Variants in TRMT44 observed in about 807,000 individuals in gnomAD.
TRMT44 encodes probable tRNA (uracil-O(2)-)-methyltransferase.
In TRMT44, 78 loss-of-function variants were observed where a neutral mutation model predicts 77.3. The ratio of observed to expected loss-of-function variants is 1.01; its 90% CI spans 0.84 to 1.22. The LOEUF (loss-of-function observed/expected upper bound fraction) is 1.22, where lower values mean the gene tolerates loss of function less well. Ranked by LOEUF, TRMT44 falls within the 50% of genes most tolerant of loss-of-function variation. The pLI is 0.00. For missense variants in TRMT44, 1,090 were observed against 964.4 expected (o/e 1.13, Z -1.73); for synonymous variants, 391 against 383.3 (o/e 1.02, Z -0.23).
the TRMT44 span, among the ~76,000 whole-genome samples, chr4:8,515,149 TAG>T: frequency 6.6e-6 from 1 of 152,162 alleles, no homozygotes; most frequent in Non-Finnish European, 1.5e-5. Context: ...TATTTTTTTG[TAG>T]AGACAGGATT....
rs780336127 is a variant in TRMT44 at position 8,468,141 on chromosome 4, G to A, written c.1722G>A (p.Glu574=). ...GTGTAACCAGGGCCTGGGCCGCTGA[G>A]CATGGAGCAGGGCCCCAGGCTGAAG... ...VGCVTRAWAA[E]HGAGPQAEGP... Residue 574 remains glutamate (E), a synonymous_variant, in exon 9 of 11, where the codon GAG becomes GAA. Transcript: ENST00000389737. The A allele has an allele frequency of 1.9e-6, 3 of 1,614,006 alleles. No individual in the cohort carries two copies. Among genetic ancestry groups the A allele is most frequent in the African/African-American group, 2.7e-5 (2 of 75,074 alleles).
At chr4:8,447,891 T>C (rs1477099903) in intron 2 of TRMT44, among the ~76,000 whole-genome samples, 1 of 152,182 alleles carries the variant, frequency 6.6e-6, no homozygotes, top group Non-Finnish European at 1.5e-5. Flanking sequence ...CAGAAAGTGG[T>C]GCCTGTCTTG....
chr4:8,511,792 T>C, the TRMT44 span: 1 of 152,146 alleles, frequency 6.6e-6, no homozygotes. Flanking sequence ...AACTTCGATT[T>C]AAAACTGCAT....
At chr4:8,498,206 AGAT>A (rs1301274022), downstream of TRMT44, among the ~76,000 whole-genome samples, 2 of 152,172 alleles carry the variant, frequency 1.3e-5, no homozygotes, top group Non-Finnish European at 2.9e-5. This position sits in a 1 kb window ranked among gnomAD's most constrained non-coding sequence, Gnocchi z 4.3. Flanking sequence ...CAGGGTATGA[AGAT>A]GATGACATTT....
intron 10 of TRMT44, among the ~76,000 whole-genome samples, chr4:8,472,154 C>T (rs1727048937): frequency 6.6e-6 from 1 of 152,158 alleles, no homozygotes; most frequent in African/African-American, 2.4e-5. Context: ...GCACACATTT[C>T]TGTGAGTTGT....
intron 6 of TRMT44, among the ~76,000 whole-genome samples, chr4:8,462,301 C>T (rs1467249590): frequency 6.6e-6 from 1 of 152,180 alleles, no homozygotes; most frequent in Non-Finnish European, 1.5e-5. Flanking sequence ...ATCCTAGCTA[C>T]TCGGGAGGCT....
intron 10 of TRMT44, among the ~76,000 whole-genome samples, chr4:8,473,846 G>T (rs1403945193): frequency 6.6e-6 from 1 of 152,168 alleles, no homozygotes; most frequent in Non-Finnish European, 1.5e-5. Flanking sequence ...AAGAGGGGCG[G>T]CCGGGAGCTA....
intron 8 of TRMT44, among the ~76,000 whole-genome samples, chr4:8,466,008 T>C (rs1487644832): frequency 1.3e-5 from 2 of 152,214 alleles, no homozygotes; most frequent in Non-Finnish European, 2.9e-5. Flanking sequence ...TGAAATGTCA[T>C]TTGGGCAGAA....
intron 10 of TRMT44, among the ~76,000 whole-genome samples, chr4:8,475,201 C>T (rs1394666121): frequency 1.3e-5 from 2 of 152,214 alleles, no homozygotes; most frequent in Admixed American, 6.5e-5. Flanking sequence ...GAGGGACCTG[C>T]GCCTTGCCCC....
rs768584086 is a variant in TRMT44 at position 8,465,591 on chromosome 4, G to A, written c.1494+30G>A. On this transcript the variant is annotated intron_variant, in intron 8 of 10. Coordinates refer to ENST00000389737, the MANE Select transcript of TRMT44 (RefSeq NM_152544.3). ...GTCTGATTCTCATGTTGTTCTAGGCGGTGTGTCGGTGTTCAGATGGAGAGC... is the reference window on the plus strand; with the variant it reads ...GTCTGATTCTCATGTTGTTCTAGGCAGTGTGTCGGTGTTCAGATGGAGAGC... 3.8e-6 allele frequency: 6 copies of A among 1,578,224 alleles called. No homozygotes were observed. In the Admixed American group the frequency reaches 5.2e-5, roughly 14 times the overall value.
At position 8,465,577 on chromosome 4, in the gene TRMT44, ATGT is replaced by A. The variant is rs1560234600; in HGVS notation, c.1494+21_1494+23del. On this transcript the variant is annotated intron_variant, in intron 8 of 10. Transcript: ENST00000389737. Reference sequence around the variant, plus strand: ...AACCAAAAGAGTATGTCTGATTCTCATGTTGTTCTAGGCGGTGTGTCGGTGTTC... The same window carrying A: ...AACCAAAAGAGTATGTCTGATTCTCATGTTCTAGGCGGTGTGTCGGTGTTC... 3 of 1,605,152 alleles carry A rather than the reference ATGT, an allele frequency of 1.9e-6. No individual in the cohort carries two copies. The highest frequency in any genetic ancestry group is 1.3e-5 in the African/African-American group (1 of 74,816).
chr4:8,466,909 C>T (rs201415281), intron 8 of TRMT44, among the ~76,000 whole-genome samples: 286 of 152,290 alleles, frequency 1.9e-3, no homozygotes, highest in Non-Finnish European at 3.6e-3. Context: ...TTTAAAATCC[C>T]GCTGGAAGAG....
Position 8,454,785 on chromosome 4 carries a change from A to G in TRMT44, c.1175A>G (p.Asp392Gly). 5 of 1,614,212 alleles carry G rather than the reference A, an allele frequency of 3.1e-6. No homozygotes were observed. The highest frequency in any genetic ancestry group is 3.4e-6 in the Non-Finnish European group (4 of 1,180,046). The part of the protein sequence containing the change: ...GIDVRRRKIW[D>G]MYGPQTQLEE... The stretch of plus-strand genomic sequence containing the variant: ...GATGTCCGAAGAAGAAAAATCTGGG[A>G]CATGTATGGACCACAAACTCAGTTA... Residue 392 changes from aspartate (D) to glycine (G), a missense_variant, in exon 6 of 11, where the codon GAC becomes GGC. Transcript: ENST00000389737.
rs1238746193 is a variant in TRMT44 at position 8,468,627 on chromosome 4, T to A, written c.1927+281T>A. 5 of 563,862 alleles carry A rather than the reference T, an allele frequency of 8.9e-6. No homozygotes were observed. The Admixed American group carries it at 1.6e-4, about 18-fold the overall frequency. 34.9% of individuals were successfully genotyped at this position (563,862 alleles called of 1,614,324 possible). ...CAGGTTTAGGGGCTAGAACTACTCA[T>A]TTTCAATCTAGAAATTATCCAAAGA... is the stretch of plus-strand genomic sequence containing the variant. On this transcript the variant is annotated intron_variant, in intron 9 of 10. Coordinates refer to ENST00000389737, the MANE Select transcript of TRMT44 (RefSeq NM_152544.3).
chr4:8,507,947 C>A, the TRMT44 span, among the ~76,000 whole-genome samples: 1 of 152,054 alleles, frequency 6.6e-6, no homozygotes, highest in Admixed American at 6.6e-5. Context: ...GCTTTTGTTG[C>A]CCAGGCTGGA....
At chr4:8,505,495 C>T in the TRMT44 span, among the ~76,000 whole-genome samples, 3 of 152,218 alleles carry the variant, frequency 2.0e-5, no homozygotes, top group Non-Finnish European at 4.4e-5. Flanking sequence ...CAGGGTTCCT[C>T]CGTGGCCCTG....
chr4:8,453,188 A>T lies in TRMT44; in HGVS notation c.1131+199A>T, dbSNP rs1168624619. On this transcript the variant is annotated intron_variant, in intron 5 of 10. Transcript: ENST00000389737. Reference sequence around the variant, plus strand: ...AAAACAAGGGAAACGTGGTGATCTCATTGGACCTAAGAGGAAGTCCCCGGG... The same window carrying T: ...AAAACAAGGGAAACGTGGTGATCTCTTTGGACCTAAGAGGAAGTCCCCGGG... Among the ~76,000 whole-genome samples, 3 of 152,198 alleles carry T rather than the reference A, an allele frequency of 2.0e-5. No individual in the cohort carries two copies. The South Asian group carries it at 6.2e-4, about 31-fold the overall frequency.
rs547989297 is a variant in TRMT44, at chr4:8,454,058, C to T, written c.1132-684C>T. Reference sequence around the variant, plus strand: ...CAGCTGGGAGGTGTCTCGTGCACCCCTCCTCTTCTGCAGGCTTGGCAGAAA... The same window carrying T: ...CAGCTGGGAGGTGTCTCGTGCACCCTTCCTCTTCTGCAGGCTTGGCAGAAA... On this transcript the variant is annotated intron_variant, in intron 5 of 10. Transcript: ENST00000389737. Among the ~76,000 whole-genome samples the T allele has an allele frequency of 1.6e-3, 249 of 152,256 alleles. 1 individual carries two copies. The highest frequency in any genetic ancestry group is 5.5e-3 in the African/African-American group (230 of 41,558).
At position 8,467,967 on chromosome 4, in the gene TRMT44, G is replaced by A. The variant is rs932522009; in HGVS notation, c.1548G>A (p.Val516=). The A allele has an allele frequency of 6.2e-7, 1 of 1,613,946 alleles. No individual in the cohort carries two copies. The highest frequency in any genetic ancestry group is 1.1e-5 in the South Asian group (1 of 91,070). The part of the protein sequence containing the change: ...RTYPSSREAS[V]DEKRTQYIKS... Reference sequence around the variant, plus strand: ...ACCCTTCCTCCAGAGAAGCTTCCGTGGATGAAAAGAGGACTCAGTACATTA... The same window carrying A: ...ACCCTTCCTCCAGAGAAGCTTCCGTAGATGAAAAGAGGACTCAGTACATTA... Residue 516 remains valine, a synonymous_variant, in exon 9 of 11, where the codon GTG becomes GTA. Coordinates refer to ENST00000389737, the MANE Select transcript of TRMT44 (RefSeq NM_152544.3).
Sources: gnomAD v4.1 joint callset for allele counts (sites outside exome capture counted in the v4.1 genomes callset) on GRCh38, gnomAD v4.1.1 for gene constraint, Gnocchi (gnomAD v3.1) non-coding constraint, MANE v1.5 for transcripts, NCBI Gene and HGNC (gene_info 2026-07-23, HGNC 2026-07-21) for gene names.